The following SNRPB variants were observed in gnomAD, a reference collection of about 807,000 sequenced individuals.
SNRPB encodes small nuclear ribonucleoprotein-associated proteins B and B'.
SNRPB carries 5 observed loss-of-function variants against 26.6 expected under a neutral mutation model. That is an observed-to-expected ratio of 0.19 (90% CI 0.10 to 0.39). The LOEUF is 0.39. SNRPB is among the 10% of genes least tolerant of loss of function. The probability of loss-of-function intolerance (pLI) is 1.00; values close to 1 mark genes in which losing one functional copy is unlikely to be tolerated. For synonymous variants in SNRPB, 122 were observed against 105.8 expected, an observed-to-expected ratio of 1.15 and a Z score of -0.94; for missense variants, 211 against 311.9, an observed-to-expected ratio of 0.68 and a Z score of 2.44.
At chr20:2,462,026 T>TGA in intron 6 of SNRPB, 87 bp from the exon 7 acceptor site, 1 of 908,334 alleles carries the variant, frequency 1.1e-6, no homozygotes, top group Non-Finnish European at 1.8e-6. Context: ...CCTGCAGTAA[T>TGA]CGAGTGAGGA....
chr20:2,468,542 C>G (rs2085089084), intron 1 of SNRPB, among the ~76,000 whole-genome samples: 1 of 152,238 alleles, frequency 6.6e-6, no homozygotes, highest in Non-Finnish European at 1.5e-5. Context: ...ATACCCAAGT[C>G]CTAACCCACC....
In SNRPB at chr20:2,463,569, T is replaced by C. The variant is rs1568463057; in HGVS notation, c.420+178A>G. 6.6e-6 allele frequency among the ~76,000 whole-genome samples: 1 copy of C among 152,246 alleles called. No individual in the cohort carries two copies. The highest frequency in any genetic ancestry group is 1.9e-4 in the East Asian group (1 of 5,204). On this transcript the variant is annotated intron_variant, in intron 4 of 6. Transcript: ENST00000381342. The surrounding 1 kb of genome is among the most constrained non-coding windows in gnomAD (Gnocchi z 5.0). ...CATCTCTTTAATAGCATCAACATAA[T>C]TTACAATGGCAACTTATCCTTTTCA... is the stretch of plus-strand genomic sequence containing the variant.
Position 2,463,857 on chromosome 20 carries a change from G to A in SNRPB, c.310C>T (p.Pro104Ser). ...CTGCCAGCAGCCCTGCCGATCCCTG[G>A]GCCCCCGGCAGCTCCAGCAAGTGGA... ...RVPLAGAAGG[P>S]GIGRAAGRGI... Residue 104 changes from proline to serine, a missense_variant, in exon 4 of 7, where the codon CCA becomes TCA. By Grantham distance (74) the Pro-to-Ser change is moderately conservative. Coordinates refer to ENST00000381342, the MANE Select transcript of SNRPB (RefSeq NM_003091.4). The surrounding 1 kb of genome is among the most constrained non-coding windows in gnomAD (Gnocchi z 5.0). 3 of 1,613,310 alleles carry A rather than the reference G, an allele frequency of 1.9e-6. No individual in the cohort carries two copies. Among genetic ancestry groups the A allele is most frequent in the Non-Finnish European group, 2.5e-6 (3 of 1,179,614 alleles).
At chr20:2,462,425 G>A (rs145712214) in intron 6 of SNRPB, among the ~76,000 whole-genome samples, 406 of 152,340 alleles carry the variant, frequency 2.7e-3, no homozygotes, top group African/African-American at 9.1e-3. Context: ...TAGATATTGA[G>A]AAACACCCTG....
chr20:2,465,666 T>G (rs756004780), intron 3 of SNRPB, 42 bp downstream of exon 3: 27 of 1,329,516 alleles, frequency 2.0e-5, no homozygotes, highest in Non-Finnish European at 2.8e-5. Context: ...TGGCTCACAG[T>G]AGGGCCTCCC....
At chr20:2,469,018 C>T (rs1433909513) in intron 1 of SNRPB, among the ~76,000 whole-genome samples, 1 of 152,236 alleles carries the variant, frequency 6.6e-6, no homozygotes, top group Non-Finnish European at 1.5e-5. Context: ...ACCATTTTAA[C>T]CAGCTTCTAA....
chr20:2,464,364 T>C (rs183881321), intron 3 of SNRPB, among the ~76,000 whole-genome samples: 2 of 152,382 alleles, frequency 1.3e-5, no homozygotes, highest in East Asian at 3.9e-4. Flanking sequence ...TGATGGGTTA[T>C]GTTAGACCAG....
chr20:2,467,273 T>G, intron 2 of SNRPB: 1 of 484,650 alleles, frequency 2.1e-6, no homozygotes, highest in Non-Finnish European at 4.1e-6. Context: ...GCTTTACAAA[T>G]AGGCAATGAG....
intron 2 of SNRPB, 26 bp downstream of exon 2, chr20:2,467,581 T>C: frequency 6.2e-7 from 1 of 1,608,496 alleles, no homozygotes; most frequent in Non-Finnish European, 8.5e-7. Flanking sequence ...TCCTCCAGTC[T>C]CCGCCCCCCA....
chr20:2,462,543 C>T, intron 6 of SNRPB, 93 bp downstream of exon 6: 1 of 1,104,004 alleles, frequency 9.1e-7, no homozygotes, highest in Non-Finnish European at 1.4e-6. Flanking sequence ...GCTTGAAAGC[C>T]CATGGGATAT....
Position 2,467,752 on chromosome 20 carries a change from C to T in SNRPB, c.10G>A (p.Gly4Ser). 1 of 1,613,840 alleles carries T rather than the reference C, an allele frequency of 6.2e-7. No homozygotes were observed. Among genetic ancestry groups the T allele is most frequent in the Non-Finnish European group, 8.5e-7 (1 of 1,179,860 alleles). The change falls in exon 2 of 7, where the codon GGC becomes AGC. Residue 4 changes from glycine (G) to serine (S), a missense_variant. Coordinates refer to ENST00000381342, the MANE Select transcript of SNRPB (RefSeq NM_003091.4). ...TGCTGCAGCATCTTGCTGCTCTTGC[C>T]CACCGTCTGCAAGGAGAAATGGACA... is the stretch of plus-strand genomic sequence containing the variant. Reference protein sequence around the residue: MTVGKSSKMLQHID... With the variant: MTVSKSSKMLQHID...
At position 2,468,446 on chromosome 20, in the gene SNRPB, A is replaced by G. The variant is rs76446878; in HGVS notation, c.4-688T>C. Among the ~76,000 whole-genome samples the G allele has an allele frequency of 1.9e-3, 295 of 152,336 alleles. 2 individuals carry two copies. The highest frequency in any genetic ancestry group is 3.0e-3 in the Non-Finnish European group (205 of 68,032). ...TATAGGTATCACTTTGTGAACTGTC[A>G]GGTACCCTAAGCAGTTGTATTTCTC... is the stretch of plus-strand genomic sequence containing the variant. On this transcript the variant is annotated intron_variant, in intron 1 of 6. Transcript: ENST00000381342.
Position 2,463,730 on chromosome 20 carries a change from T to C in SNRPB, c.420+17A>G. ...TTTTAGCCACCAGGAGGTGGTACCC[T>C]TTCCCCAACTCCTCACCTGTTGGGA... On this transcript the variant is annotated intron_variant, in intron 4 of 6. Coordinates refer to ENST00000381342, the MANE Select transcript of SNRPB (RefSeq NM_003091.4). The surrounding 1 kb of genome is among the most constrained non-coding windows in gnomAD (Gnocchi z 5.0). The C allele has an allele frequency of 1.3e-6, 2 of 1,553,180 alleles. No individual in the cohort carries two copies. The highest frequency in any genetic ancestry group is 1.7e-6 in the Non-Finnish European group (2 of 1,152,658).
chr20:2,464,966 G>T (rs2085062560), intron 3 of SNRPB, among the ~76,000 whole-genome samples: 1 of 152,036 alleles, frequency 6.6e-6, no homozygotes, highest in South Asian at 2.1e-4. Context: ...ATTTCTATGT[G>T]TAGCTTGGTG....
chr20:2,466,014 TGCC>T (rs1221954767), intron 2 of SNRPB, among the ~76,000 whole-genome samples, 195 bp from the exon 3 acceptor site: 7 of 151,994 alleles, frequency 4.6e-5, no homozygotes, highest in African/African-American at 1.7e-4. Flanking sequence ...TTTCCTACCA[TGCC>T]AAGAGGACAC....
intron 1 of SNRPB, among the ~76,000 whole-genome samples, chr20:2,470,485 A>G (rs1600004603): frequency 6.6e-6 from 1 of 152,126 alleles, no homozygotes; most frequent in Admixed American, 6.5e-5. Flanking sequence ...TCGGCCTCCG[A>G]CACCGGTTCC....
chr20:2,463,816 C>T lies in SNRPB; in HGVS notation c.351G>A (p.Gly117=). The stretch of plus-strand genomic sequence containing the variant: ...CTGCAGGAGCCTGGGGCATGGGAAC[C>T]CCAGCTGGGATTCCTCTGCCAGCAG... ...GRAAGRGIPA[G]VPMPQAPAGL... The change falls in exon 4 of 7, where the codon GGG becomes GGA. Residue 117 remains glycine (G), a synonymous_variant. Coordinates refer to ENST00000381342, the MANE Select transcript of SNRPB (RefSeq NM_003091.4). The surrounding 1 kb of genome is among the most constrained non-coding windows in gnomAD (Gnocchi z 5.0). 1 of 1,613,504 alleles carries T rather than the reference C, an allele frequency of 6.2e-7. No homozygotes were observed. The highest frequency in any genetic ancestry group is 1.1e-5 in the South Asian group (1 of 91,052).
intron 2 of SNRPB, 34 bp from the exon 3 acceptor site, chr20:2,465,853 T>C: frequency 1.3e-6 from 2 of 1,561,554 alleles, no homozygotes; most frequent in Non-Finnish European, 1.8e-6. Context: ...AAAAAAAGTG[T>C]TAGAGGTGGG....
At chr20:2,464,876 A>T (rs112932367) in intron 3 of SNRPB, among the ~76,000 whole-genome samples, 5 of 30,346 alleles carry the variant, frequency 1.6e-4, no homozygotes, top group African/African-American at 5.5e-4. Context: ...CTAAAAATCT[A>T]AAAAAAAAAA....
Sources: gnomAD v4.1 joint callset for allele counts (sites outside exome capture counted in the v4.1 genomes callset) on GRCh38, gnomAD v4.1.1 for gene constraint, Gnocchi (gnomAD v3.1) non-coding constraint, MANE v1.5 for transcripts, NCBI Gene and HGNC (gene_info 2026-07-23, HGNC 2026-07-21) for gene names.